EVL: variants seen among roughly 807,000 people sequenced by gnomAD.
EVL encodes Enah/Vasp-like, also known as ena/VASP-like protein.
Under a neutral mutation model 59.6 loss-of-function variants are expected in EVL, and 21 were observed. The ratio of observed to expected loss-of-function variants is 0.35; its 90% CI spans 0.25 to 0.51. EVL has a LOEUF of 0.51. Among genes scored for constraint, EVL ranks in the 20% least tolerant of loss-of-function variants. The pLI is 0.97. For synonymous variants in EVL, 198 were observed against 203.5 expected (o/e 0.97, Z 0.23); for missense variants, 462 against 546.6 (o/e 0.85, Z 1.54).
intron 1 of EVL, among the ~76,000 whole-genome samples, chr14:100,034,624 C>G (rs531382245): frequency 1.3e-5 from 2 of 151,898 alleles, no homozygotes; most frequent in African/African-American, 4.8e-5. Context: ...GTGGGCCCAG[C>G]TAATCAGGAG....
intron 1 of EVL, among the ~76,000 whole-genome samples, chr14:100,012,705 G>C (rs1336411724): frequency 6.6e-6 from 1 of 152,180 alleles, no homozygotes. Context: ...CTTTCATGGA[G>C]TTGACACTTC....
chr14:100,073,150 C>T (rs887890033), intron 1 of EVL, among the ~76,000 whole-genome samples: 12 of 151,794 alleles, frequency 7.9e-5, no homozygotes, highest in Admixed American at 4.6e-4. Flanking sequence ...TGAGGTCCCC[C>T]CACCCACCAC....
chr14:99,987,330 G>T (rs567720587), intron 1 of EVL, among the ~76,000 whole-genome samples: 1 of 152,242 alleles, frequency 6.6e-6, no homozygotes, highest in African/African-American at 2.4e-5. Context: ...TCTCATATAT[G>T]GGATTAGTGT....
intron 1 of EVL, among the ~76,000 whole-genome samples, chr14:100,029,181 A>G (rs2061270122): frequency 1.3e-5 from 2 of 152,226 alleles, no homozygotes; most frequent in Non-Finnish European, 2.9e-5. Flanking sequence ...TGCTTATGCT[A>G]ATAACAAAAG....
At chr14:100,121,679 G>T (rs923810585) in intron 3 of EVL, among the ~76,000 whole-genome samples, 2 of 152,168 alleles carry the variant, frequency 1.3e-5, no homozygotes, top group Non-Finnish European at 1.5e-5. Flanking sequence ...AGGTTGGGAG[G>T]GTGTTGGGAG....
At chr14:100,074,078 C>T (rs1000555266) in intron 1 of EVL, among the ~76,000 whole-genome samples, 2 of 152,072 alleles carry the variant, frequency 1.3e-5, no homozygotes, top group Non-Finnish European at 2.9e-5. Flanking sequence ...AATCAGGGCC[C>T]GGAAACTGAT....
chr14:100,028,137 T>TGTTTTTTG (rs1555413983), intron 1 of EVL, among the ~76,000 whole-genome samples: 1 of 130,956 alleles, frequency 7.6e-6, no homozygotes, highest in African/African-American at 3.0e-5. Context: ...TTTGTTTGTT[T>TGTTTTTTG]TTTTTTTTTT....
At chr14:100,037,609 G>A (rs1050602167) in intron 1 of EVL, among the ~76,000 whole-genome samples, 4 of 152,180 alleles carry the variant, frequency 2.6e-5, no homozygotes, top group African/African-American at 9.7e-5. Flanking sequence ...AGCAGTGTTT[G>A]CTAAATGTAC....
At chr14:100,110,835 C>T (rs1322817624) in intron 3 of EVL, among the ~76,000 whole-genome samples, 1 of 152,198 alleles carries the variant, frequency 6.6e-6, no homozygotes, top group Non-Finnish European at 1.5e-5. Context: ...TGGCGAGATT[C>T]CTTTGGAGTT....
intron 3 of EVL, among the ~76,000 whole-genome samples, chr14:100,102,945 T>TA (rs1886318108): frequency 6.6e-6 from 1 of 151,564 alleles, no homozygotes; most frequent in Admixed American, 6.6e-5. Flanking sequence ...AAAGAAAAAA[T>TA]ACAAAAATTA....
intron 1 of EVL, among the ~76,000 whole-genome samples, chr14:100,041,624 G>T (rs1465535107): frequency 6.6e-6 from 1 of 152,198 alleles, no homozygotes; most frequent in African/African-American, 2.4e-5. Flanking sequence ...TCTTTTAAGA[G>T]ATTATTATTA....
chr14:100,125,026 A>G (rs1303196592), intron 4 of EVL, among the ~76,000 whole-genome samples: 1 of 149,064 alleles, frequency 6.7e-6, no homozygotes, highest in Non-Finnish European at 1.5e-5. Context: ...ACCTGCCCCA[A>G]GATGAGACCA....
intron 1 of EVL, among the ~76,000 whole-genome samples, chr14:99,989,001 G>A (rs575319986): frequency 6.6e-6 from 1 of 152,286 alleles, no homozygotes; most frequent in Non-Finnish European, 1.5e-5. Flanking sequence ...CGCAAGATTG[G>A]ATTATGGTAA....
At chr14:100,122,239 A>G (rs961883425) in intron 3 of EVL, among the ~76,000 whole-genome samples, 23 of 152,166 alleles carry the variant, frequency 1.5e-4, no homozygotes, top group Admixed American at 5.2e-4. Flanking sequence ...GCTGGTCTCA[A>G]TCTGACACCA....
chr14:100,076,911 G>A (rs2062174835), intron 1 of EVL, among the ~76,000 whole-genome samples: 2 of 152,204 alleles, frequency 1.3e-5, no homozygotes, highest in Non-Finnish European at 1.5e-5. Flanking sequence ...CATGGGGTCA[G>A]GTGCTGCTCC....
chr14:100,136,753 ATGCATAG>A (rs1888819282), intron 9 of EVL, among the ~76,000 whole-genome samples: 1 of 152,136 alleles, frequency 6.6e-6, no homozygotes, highest in African/African-American at 2.4e-5. Flanking sequence ...ATTTGCCAGG[ATGCATAG>A]GTTCCTGGCT....
At chr14:99,977,785 A>G (rs1179755517) in intron 1 of EVL, among the ~76,000 whole-genome samples, 3 of 151,844 alleles carry the variant, frequency 2.0e-5, no homozygotes, top group Admixed American at 6.6e-5. Context: ...CTCAGATCTC[A>G]TTCTTTGGGA....
chr14:100,111,532 G>A (rs1886995191), intron 3 of EVL, among the ~76,000 whole-genome samples: 1 of 152,076 alleles, frequency 6.6e-6, no homozygotes, highest in African/African-American at 2.4e-5. Context: ...AAAATAGATG[G>A]GACTGTGATT....
chr14:100,026,737 C>T (rs1420605538), intron 1 of EVL, among the ~76,000 whole-genome samples: 2 of 152,196 alleles, frequency 1.3e-5, no homozygotes, highest in East Asian at 1.9e-4. Flanking sequence ...GAGAGAAGGT[C>T]GTCATCTTGT....
Sources: gnomAD v4.1 joint callset for allele counts (sites outside exome capture counted in the v4.1 genomes callset) on GRCh38, gnomAD v4.1.1 for gene constraint, MANE v1.5 for transcripts, NCBI Gene and HGNC (gene_info 2026-07-23, HGNC 2026-07-21) for gene names.